The following PXK variants were observed in gnomAD, a reference collection of about 807,000 sequenced individuals.
PXK encodes PX domain containing serine/threonine kinase like, also known as PX domain-containing protein kinase-like protein.
Under a neutral mutation model 84.7 loss-of-function variants are expected in PXK, and 35 were observed. The ratio of observed to expected loss-of-function variants is 0.41; its 90% CI spans 0.32 to 0.55. The LOEUF is 0.55. Among genes scored for constraint, PXK ranks in the 20% least tolerant of loss-of-function variants. PXK has a pLI of 0.21. For synonymous variants in PXK, 253 were observed against 260.8 expected (o/e 0.97, Z 0.29); for missense variants, 634 against 699.7 (o/e 0.91, Z 1.06).
chr3:58,352,648 G>C (rs1004227741), intron 1 of PXK, among the ~76,000 whole-genome samples: 1 of 152,218 alleles, frequency 6.6e-6, no homozygotes, highest in Admixed American at 6.5e-5. Flanking sequence ...TAATTTGCGT[G>C]GGTGTCATTT....
At chr3:58,375,288 C>T (rs892520073) in intron 3 of PXK, among the ~76,000 whole-genome samples, 3 of 152,094 alleles carry the variant, frequency 2.0e-5, no homozygotes, top group Admixed American at 1.3e-4. Context: ...TTTTAAAAAT[C>T]CTTGCTCCAT....
At chr3:58,403,192 A>G (rs1298181542) in intron 12 of PXK, among the ~76,000 whole-genome samples, 2 of 151,856 alleles carry the variant, frequency 1.3e-5, no homozygotes, top group Non-Finnish European at 2.9e-5. Context: ...TTTAGTAGAG[A>G]TGGGGTTTCA....
At chr3:58,377,191 T>G (rs1046603651) in intron 3 of PXK, among the ~76,000 whole-genome samples, 8 of 151,738 alleles carry the variant, frequency 5.3e-5, no homozygotes, top group African/African-American at 2.0e-4. Context: ...TAATTATATT[T>G]GAGAAATTGG....
chr3:58,336,393 A>T (rs907459407), intron 1 of PXK, among the ~76,000 whole-genome samples: 1 of 152,186 alleles, frequency 6.6e-6, no homozygotes, highest in African/African-American at 2.4e-5. Flanking sequence ...TGCTTTGCTG[A>T]TGCTGATGCA....
intron 17 of PXK, among the ~76,000 whole-genome samples, chr3:58,418,024 GC>G (rs1326538984): frequency 6.6e-6 from 1 of 152,032 alleles, no homozygotes; most frequent in East Asian, 1.9e-4. Context: ...TTGCCATGTT[GC>G]CCAGTCTAGT....
At chr3:58,423,132 C>T in intron 17 of PXK, 1 of 985,332 alleles carries the variant, frequency 1.0e-6, no homozygotes, top group Non-Finnish European at 1.2e-6. Flanking sequence ...GTCTCCCCTC[C>T]TCCTGGTATT....
chr3:58,369,836 AAAAAAC>A (rs1199354807), intron 3 of PXK, among the ~76,000 whole-genome samples: 19 of 152,098 alleles, frequency 1.2e-4, no homozygotes, highest in African/African-American at 4.3e-4. Flanking sequence ...AAAAAAAAAA[AAAAAAC>A]AAAACTGGTT....
In PXK at chr3:58,397,375, G is replaced by C. The variant is rs1165445373; in HGVS notation, c.984+175G>C. ...GGGAGGCTGAGTTGAAATGGCGGGTGGGGTAAGGAGGGAGGTGGACTCACT... is the reference window on the plus strand; with the variant it reads ...GGGAGGCTGAGTTGAAATGGCGGGTCGGGTAAGGAGGGAGGTGGACTCACT... On this transcript the variant is annotated intron_variant, in intron 10 of 17. Coordinates refer to ENST00000356151, the MANE Select transcript of PXK (RefSeq NM_017771.5). The surrounding 1 kb of genome is among the most constrained non-coding windows in gnomAD (Gnocchi z 4.7). Among the ~76,000 whole-genome samples, 1 of 152,142 alleles carries C rather than the reference G, an allele frequency of 6.6e-6. No individual in the cohort carries two copies. The highest frequency in any genetic ancestry group is 2.4e-5 in the African/African-American group (1 of 41,416).
chr3:58,356,796 GT>G (rs1176020629), intron 1 of PXK, among the ~76,000 whole-genome samples: 6 of 151,376 alleles, frequency 4.0e-5, no homozygotes, highest in Non-Finnish European at 7.4e-5. Flanking sequence ...TAGAGACGGG[GT>G]TTCACTATGT....
Position 58,414,521 on chromosome 3 carries a change from A to G in PXK, c.1528+1558A>G, listed in dbSNP as rs372298329. The G allele has an allele frequency of 5.9e-5, 9 of 152,316 alleles. No individual in the cohort carries two copies. Among genetic ancestry groups the G allele is most frequent in the African/African-American group, 2.2e-4 (9 of 41,568 alleles). The allele number at this position is 152,316 out of a possible 1,614,324, so 9.4% of individuals were successfully genotyped here. A position where few individuals can be genotyped will look rare whatever the true frequency, so the allele number is the denominator to read the frequency against. ...GATAAGGTAACTTTTAGAATGAGAGAAAAAAAGAGGAATCTTGTATAATTA... is the reference window on the plus strand; with the variant it reads ...GATAAGGTAACTTTTAGAATGAGAGGAAAAAAGAGGAATCTTGTATAATTA... On this transcript the variant is annotated intron_variant, in intron 17 of 17. Coordinates refer to ENST00000356151, the MANE Select transcript of PXK (RefSeq NM_017771.5). The surrounding 1 kb of genome is among the most constrained non-coding windows in gnomAD (Gnocchi z 4.5).
chr3:58,372,438 T>C (rs933761696), intron 3 of PXK, among the ~76,000 whole-genome samples: 4 of 151,318 alleles, frequency 2.6e-5, no homozygotes, highest in Non-Finnish European at 5.9e-5. Flanking sequence ...TTCTCCTGCC[T>C]CAGCCTCCCG....
intron 17 of PXK, among the ~76,000 whole-genome samples, chr3:58,423,842 T>C (rs2062365830): frequency 2.0e-5 from 3 of 152,224 alleles, no homozygotes; most frequent in African/African-American, 7.2e-5. Context: ...GAACCATTCA[T>C]TGATTCTAAA....
chr3:58,363,765 G>A (rs1192214473), intron 1 of PXK, among the ~76,000 whole-genome samples: 1 of 151,876 alleles, frequency 6.6e-6, no homozygotes, highest in South Asian at 2.1e-4. Context: ...TATTACACTG[G>A]CTAGATCTTC....
At chr3:58,396,213 A>G (rs909758011) in intron 9 of PXK, among the ~76,000 whole-genome samples, 7 of 152,172 alleles carry the variant, frequency 4.6e-5, no homozygotes, top group Admixed American at 2.0e-4. Flanking sequence ...TTAATATCCC[A>G]ATGTTATGTC....
In PXK at chr3:58,412,766, C is replaced by A; in HGVS notation, c.1466-135C>A. On this transcript the variant is annotated intron_variant, in intron 16 of 17. Transcript: ENST00000356151. This position sits in a 1 kb window ranked among gnomAD's most constrained non-coding sequence, Gnocchi z 6.2. ...GGGTCCGGTCTCTGAGTTTTTTGTC[C>A]CTCATCATCTTGTTTCACAAGGCTC... The A allele has an allele frequency of 1.2e-6, 1 of 850,416 alleles. No individual in the cohort carries two copies. The highest frequency in any genetic ancestry group is 2.0e-5 in the Admixed American group (1 of 48,876). The allele number at this position is 850,416 out of a possible 1,614,324, so 52.7% of individuals were successfully genotyped here. A position where few individuals can be genotyped will look rare whatever the true frequency, so the allele number is the denominator to read the frequency against.
rs747019619 is a variant in PXK, at chr3:58,407,487, C to T, written c.1231-1437C>T. Among the ~76,000 whole-genome samples, 3 of 145,060 alleles carry T rather than the reference C, an allele frequency of 2.1e-5. No homozygotes were observed. The East Asian group carries it at 5.8e-4, about 28-fold the overall frequency. On this transcript the variant is annotated intron_variant, in intron 13 of 17. Coordinates refer to ENST00000356151, the MANE Select transcript of PXK (RefSeq NM_017771.5). This position sits in a 1 kb window ranked among gnomAD's most constrained non-coding sequence, Gnocchi z 4.3. ...ACCTATGATTTGCAAATATTGTGTC[C>T]CATTTCTTGAGTTGTCTTTTACTCC...
At chr3:58,352,577 A>G (rs985070288) in intron 1 of PXK, among the ~76,000 whole-genome samples, 14 of 151,630 alleles carry the variant, frequency 9.2e-5, no homozygotes, top group Non-Finnish European at 1.9e-4. Context: ...AAAGTTTGGT[A>G]TTTTTTTTCT....
At chr3:58,393,935 G>A (rs1198771644) in intron 7 of PXK, among the ~76,000 whole-genome samples, 2 of 152,122 alleles carry the variant, frequency 1.3e-5, no homozygotes, top group East Asian at 1.9e-4. Context: ...TACCCATTGT[G>A]TTTCTTTTTG....
Position 58,422,402 on chromosome 3 carries a change from G to A in PXK, c.1529-2350G>A, listed in dbSNP as rs1473375194. On this transcript the variant is annotated intron_variant, in intron 17 of 17. Transcript: ENST00000356151. ...ACTTGCTGGGACATCAAGCCCCACC[G>A]GACTGCTCCAGCCTGCTGAGGCCAC... The A allele has an allele frequency of 1.5e-5, 15 of 985,362 alleles. No individual in the cohort carries two copies. In the African/African-American group the frequency reaches 1.6e-4, roughly 10 times the overall value. The allele number at this position is 985,362 out of a possible 1,614,324, so 61.0% of individuals were successfully genotyped here.
Sources: gnomAD v4.1 joint callset for allele counts (sites outside exome capture counted in the v4.1 genomes callset) on GRCh38, gnomAD v4.1.1 for gene constraint, Gnocchi (gnomAD v3.1) non-coding constraint, MANE v1.5 for transcripts, NCBI Gene and HGNC (gene_info 2026-07-23, HGNC 2026-07-21) for gene names.